ESRRG: variants seen among roughly 807,000 people sequenced by gnomAD.
ESRRG encodes estrogen related receptor gamma, also known as estrogen-related receptor gamma.
A neutral mutation model predicts 44.0 loss-of-function variants in ESRRG; 13 were observed. That is an observed-to-expected ratio of 0.30 (90% CI 0.19 to 0.47). The LOEUF (loss-of-function observed/expected upper bound fraction) is 0.47, where lower values mean the gene tolerates loss of function less well. Among genes scored for constraint, ESRRG ranks in the 20% least tolerant of loss-of-function variants. ESRRG has a pLI of 1.00. For synonymous variants in ESRRG, 215 were observed against 214.6 expected (o/e 1.00, Z -0.02); for missense variants, 395 against 580.6 (o/e 0.68, Z 3.29).
chr1:217,085,129 C>G lies in ESRRG; in HGVS notation c.-106+4378G>C, dbSNP rs138238750. Among the ~76,000 whole-genome samples, 451 of 94,656 alleles carry G rather than the reference C, an allele frequency of 4.8e-3. 1 individual carries two copies. Among genetic ancestry groups the G allele is most frequent in the African/African-American group, 0.017 (424 of 24,886 alleles). The allele number at this position is 94,656 out of a possible 152,430, so 62.1% of individuals were successfully genotyped here. A position where few individuals can be genotyped will look rare whatever the true frequency, so the allele number is the denominator to read the frequency against. ...TCAAGGATGAGTAAATGAATGGTAT[C>G]TAACCTCCAAGAAAAAGAAAACTTC... On this transcript the variant is annotated intron_variant, in intron 1 of 7. Transcript: ENST00000359162.
At chr1:217,135,594 T>G (rs1269570808) in intron 1 of ESRRG, among the ~76,000 whole-genome samples, 1 of 151,554 alleles carries the variant, frequency 6.6e-6, no homozygotes, top group Non-Finnish European at 1.5e-5. Flanking sequence ...CCCAGCCTTT[T>G]CGCCCGCGCG....
intron 1 of ESRRG, among the ~76,000 whole-genome samples, chr1:216,983,081 G>A (rs1376212928): frequency 1.6e-5 from 2 of 128,886 alleles, no homozygotes; most frequent in African/African-American, 5.7e-5. Flanking sequence ...TTTCTTATCT[G>A]TAAAGTGGGA....
chr1:216,762,872 C>T (rs1456901737), intron 2 of ESRRG, among the ~76,000 whole-genome samples: 1 of 151,886 alleles, frequency 6.6e-6, no homozygotes, highest in African/African-American at 2.4e-5. Context: ...GTAGAAGTAC[C>T]TTACACAAAC....
At chr1:216,944,798 G>C (rs2065807098) in intron 1 of ESRRG, among the ~76,000 whole-genome samples, 1 of 152,062 alleles carries the variant, frequency 6.6e-6, no homozygotes, top group Non-Finnish European at 1.5e-5. Flanking sequence ...CCAAGAGTGA[G>C]GTAAAATGGA....
At chr1:217,126,938 C>A (rs1182544801) in intron 1 of ESRRG, among the ~76,000 whole-genome samples, 3 of 152,080 alleles carry the variant, frequency 2.0e-5, no homozygotes, top group African/African-American at 4.8e-5. Flanking sequence ...TATTCTGAAG[C>A]CTGCCTTTTG....
intron 1 of ESRRG, among the ~76,000 whole-genome samples, chr1:217,065,380 G>T (rs111393074): frequency 6.6e-5 from 10 of 152,306 alleles, no homozygotes; most frequent in African/African-American, 2.4e-4. Context: ...TTTCGATGTG[G>T]CATTTCTAGG....
At chr1:216,799,335 T>A (rs1256119795) in intron 2 of ESRRG, among the ~76,000 whole-genome samples, 2 of 152,248 alleles carry the variant, frequency 1.3e-5, no homozygotes, top group East Asian at 1.9e-4. Flanking sequence ...TCTTGCTTCT[T>A]CTTCCATATT....
intron 2 of ESRRG, among the ~76,000 whole-genome samples, chr1:216,824,938 T>C (rs2095364629): frequency 6.6e-6 from 1 of 152,234 alleles, no homozygotes; most frequent in Non-Finnish European, 1.5e-5. Context: ...TCACTATCTG[T>C]CTGCATGTAG....
chr1:217,001,903 A>G (rs2150662626), intron 1 of ESRRG, among the ~76,000 whole-genome samples: 1 of 152,346 alleles, frequency 6.6e-6, no homozygotes, highest in South Asian at 2.1e-4. Context: ...TGAAAGGCCA[A>G]GAATTGATAG....
In ESRRG at chr1:216,889,602, G is replaced by T. The variant is rs186845500; in HGVS notation, c.-14+49980C>A. Among the ~76,000 whole-genome samples, 3 of 152,274 alleles carry T rather than the reference G, an allele frequency of 2.0e-5. No homozygotes were observed. In the East Asian group the frequency reaches 5.8e-4, roughly 29 times the overall value. Reference sequence around the variant, plus strand: ...TACTCTGATTTCACCTAAATCTCTGGAAGCCAAATGAGGTGCTGTCAGAAA... The same window carrying T: ...TACTCTGATTTCACCTAAATCTCTGTAAGCCAAATGAGGTGCTGTCAGAAA... On this transcript the variant is annotated intron_variant, in intron 2 of 7. Coordinates refer to the ESRRG transcript ENST00000359162.
intron 1 of ESRRG, among the ~76,000 whole-genome samples, chr1:216,692,695 C>T (rs1575394701): frequency 6.6e-6 from 1 of 152,184 alleles, no homozygotes; most frequent in South Asian, 2.1e-4. Context: ...AGGGCAATTT[C>T]CAGCCCTGTA....
intron 2 of ESRRG, among the ~76,000 whole-genome samples, chr1:216,919,240 G>C (rs980377514): frequency 2.6e-5 from 4 of 152,112 alleles, no homozygotes; most frequent in African/African-American, 4.8e-5. Flanking sequence ...CTTTCTCCTA[G>C]AGCCAAGGGT....
chr1:217,019,026 A>G (rs2079876457), intron 1 of ESRRG, among the ~76,000 whole-genome samples: 1 of 152,154 alleles, frequency 6.6e-6, no homozygotes, highest in Admixed American at 6.5e-5. Context: ...CATCAAAACT[A>G]CAGATGTTCA....
intron 2 of ESRRG, among the ~76,000 whole-genome samples, chr1:216,908,813 G>A (rs1240077836): frequency 3.5e-5 from 5 of 142,900 alleles, no homozygotes; most frequent in African/African-American, 5.2e-5. Flanking sequence ...GCAATGTGCC[G>A]TAGGGTACAC....
intron 3 of ESRRG, among the ~76,000 whole-genome samples, chr1:216,578,937 A>G (rs917597000): frequency 1.6e-4 from 25 of 152,292 alleles, no homozygotes; most frequent in African/African-American, 6.0e-4. Context: ...GTAAGGTCTC[A>G]TGGGAGAAAC....
chr1:216,896,057 A>C (rs754726165), intron 2 of ESRRG, among the ~76,000 whole-genome samples: 1 of 152,198 alleles, frequency 6.6e-6, no homozygotes, highest in Non-Finnish European at 1.5e-5. Context: ...AGAGTATACA[A>C]ATGATTGATT....
At chr1:216,647,330 A>T (rs1362378139) in intron 3 of ESRRG, among the ~76,000 whole-genome samples, 1 of 152,174 alleles carries the variant, frequency 6.6e-6, no homozygotes, top group Non-Finnish European at 1.5e-5. Context: ...TAGAGCAGAG[A>T]GAAAGACAAA....
At chr1:217,131,064 G>C (rs2092958233) in intron 1 of ESRRG, among the ~76,000 whole-genome samples, 1 of 152,136 alleles carries the variant, frequency 6.6e-6, no homozygotes, top group African/African-American at 2.4e-5. Flanking sequence ...ACTTGTTAAA[G>C]CAATTAAAGG....
rs904873831 is a variant in ESRRG at position 216,986,803 on chromosome 1, A to G, written c.-105-47130T>C. 2.6e-5 allele frequency among the ~76,000 whole-genome samples: 4 copies of G among 152,156 alleles called. 1 individual carries two copies. The highest frequency in any genetic ancestry group is 5.9e-5 in the Non-Finnish European group (4 of 68,032). On this transcript the variant is annotated intron_variant, in intron 1 of 7. Coordinates refer to the ESRRG transcript ENST00000359162. ...AGACCTAGTCTGGAAAATTCTTCTA[A>G]ATCTCCCAGCTCATATATGAAAGAA... is the stretch of plus-strand genomic sequence containing the variant.
Sources: gnomAD v4.1 joint callset for allele counts (sites outside exome capture counted in the v4.1 genomes callset) on GRCh38, gnomAD v4.1.1 for gene constraint, MANE v1.5 for transcripts, NCBI Gene and HGNC (gene_info 2026-07-23, HGNC 2026-07-21) for gene names.